Variants in IDH2 observed in about 807,000 individuals in gnomAD.
The protein encoded by IDH2 is isocitrate dehydrogenase (NADP(+)) 2.
A neutral mutation model predicts 50.5 loss-of-function variants in IDH2; 18 were observed. The ratio of observed to expected loss-of-function variants is 0.36; its 90% CI spans 0.25 to 0.53. The LOEUF is 0.53. Among genes scored for constraint, IDH2 ranks in the 20% least tolerant of loss-of-function variants. The pLI is 0.92. For synonymous variants in IDH2, 280 were observed against 239.8 expected (o/e 1.17, Z -1.55); for missense variants, 518 against 610.7 (o/e 0.85, Z 1.60).
chr15:90,091,459 G>C (rs540557518), intron 2 of IDH2, 94 bp downstream of exon 2: 25,282 of 913,020 alleles, frequency 0.028, 404 homozygotes, highest in South Asian at 0.035. Flanking sequence ...CAACGGGGGG[G>C]TCCTAGGGAC....
rs2151557989 is a variant in IDH2, at chr15:90,102,291, G to A, written c.100C>T (p.Gln34Ter). ...AALTAPTSQE[Q>*]PRRHYADKRI... ...CGGCACTCACAGTGGCGCCGCGGCT[G>A]CTCTTGCGAGGTGGGGGCTGTCAGG... Residue 34 changes from glutamine (Q) to a stop codon, truncating the protein, a stop_gained, in exon 1 of 11, where the codon CAG (glutamine) becomes TAG (stop). Coordinates refer to ENST00000330062, the MANE Select transcript of IDH2 (RefSeq NM_002168.4). LOFTEE classifies it high-confidence loss of function. The A allele has an allele frequency of 2.3e-6, 3 of 1,325,804 alleles. No individual in the cohort carries two copies. Among genetic ancestry groups the A allele is most frequent in the South Asian group, 1.8e-5 (1 of 55,680 alleles). 82.1% of individuals were successfully genotyped at this position (1,325,804 alleles called of 1,614,324 possible).
At chr15:90,087,971 G>A (rs1324677135) in intron 5 of IDH2, among the ~76,000 whole-genome samples, 2 of 152,136 alleles carry the variant, frequency 1.3e-5, no homozygotes, top group African/African-American at 4.8e-5. Context: ...GATTGGCTCA[G>A]AGGTGGTCAT....
At chr15:90,088,826 G>A (rs1276194118) in intron 3 of IDH2, 79 bp from the exon 4 acceptor site, 3 of 1,489,266 alleles carry the variant, frequency 2.0e-6, no homozygotes, top group East Asian at 2.3e-5. Flanking sequence ...CAACAACACA[G>A]CCAGACGGGG....
Position 90,092,417 on chromosome 15 carries a change from C to CTT in IDH2, c.116-774_116-773insAA, listed in dbSNP as rs112958621. Among the ~76,000 whole-genome samples, 8 of 149,878 alleles carry CTT rather than the reference C, an allele frequency of 5.3e-5. No individual in the cohort carries two copies. In the East Asian group the frequency reaches 1.2e-3, roughly 22 times the overall value. ...TTCGTTCCTTCCTCCCTTTCTCTCT[C>CTT]TCTTTCTTGGCAGGGTCCTGTTCCA... On this transcript the variant is annotated intron_variant, in intron 1 of 10. Transcript: ENST00000330062.
chr15:90,102,280 G>A lies in IDH2; in HGVS notation c.111C>T (p.Arg37=), dbSNP rs1291339135. The change falls in exon 1 of 11, where the codon CGC becomes CGT. Residue 37 remains arginine (R), a synonymous_variant. Transcript: ENST00000330062. ...TAPTSQEQPR[R]HYADKRIKVA... is the part of the protein sequence containing the mutation. Reference sequence around the variant, plus strand: ...GACCCTCCGCGCGGCACTCACAGTGGCGCCGCGGCTGCTCTTGCGAGGTGG... The same window carrying A: ...GACCCTCCGCGCGGCACTCACAGTGACGCCGCGGCTGCTCTTGCGAGGTGG... The A allele has an allele frequency of 3.9e-6, 5 of 1,284,920 alleles. No individual in the cohort carries two copies. In the African/African-American group the frequency reaches 6.2e-5, roughly 16 times the overall value. 79.6% of individuals were successfully genotyped at this position (1,284,920 alleles called of 1,614,324 possible).
intron 1 of IDH2, among the ~76,000 whole-genome samples, chr15:90,099,329 G>A (rs954808805): frequency 3.3e-5 from 5 of 152,070 alleles, no homozygotes; most frequent in Non-Finnish European, 2.9e-5. Context: ...TGGCACCTGC[G>A]AGTCCCTCTT....
At chr15:90,091,705 TC>T in intron 1 of IDH2, 61 bp from the exon 2 acceptor site, 2 of 1,374,286 alleles carry the variant, frequency 1.5e-6, no homozygotes, top group Non-Finnish European at 2.1e-6. Context: ...GGCCCTCTCC[TC>T]CCAGCCAGGC....
At chr15:90,088,218 C>T (rs1900923563) in intron 5 of IDH2, 141 bp downstream of exon 5, 2 of 1,104,458 alleles carry the variant, frequency 1.8e-6, no homozygotes, top group Admixed American at 1.7e-5. Flanking sequence ...AAGTGTCAGC[C>T]ACCATGCCCA....
rs1286567081 is a variant in IDH2, at chr15:90,090,561, G to A, written c.291C>T (p.Thr97=). Residue 97 remains threonine (T), a synonymous_variant, in exon 3 of 11, where the codon ACC becomes ACT. Coordinates refer to ENST00000330062, the MANE Select transcript of IDH2 (RefSeq NM_002168.4). ...PNRDQTDDQV[T]IDSALATQKY... is the part of the protein sequence containing the mutation. Reference sequence around the variant, plus strand: ...TCTGGGTGGCCAGTGCAGAGTCAATGGTGACCTGGTCATCAGTCTGGTCAC... The same window carrying A: ...TCTGGGTGGCCAGTGCAGAGTCAATAGTGACCTGGTCATCAGTCTGGTCAC... 1 of 1,614,128 alleles carries A rather than the reference G, an allele frequency of 6.2e-7. No individual in the cohort carries two copies. Among genetic ancestry groups the A allele is most frequent in the East Asian group, 2.2e-5 (1 of 44,884 alleles).
rs753466539 is a variant in IDH2, at chr15:90,087,484, G to C, written c.770C>G (p.Ala257Gly). The change falls in exon 6 of 11, where the codon GCC becomes GGC. Residue 257 changes from alanine (A) to glycine (G), a missense_variant. Ala to Gly is a moderately conservative substitution (Grantham distance 60). Coordinates refer to ENST00000330062, the MANE Select transcript of IDH2 (RefSeq NM_002168.4). ...YMSTKNTILK[A>G]YDGRFKDIFQ... ...GATGTCCTTGAAACGCCCATCGTAGGCTTTCAGTATGGTGTTCTTGGTGCT... is the reference window on the plus strand; with the variant it reads ...GATGTCCTTGAAACGCCCATCGTAGCCTTTCAGTATGGTGTTCTTGGTGCT... 1 of 1,614,158 alleles carries C rather than the reference G, an allele frequency of 6.2e-7. No individual in the cohort carries two copies. The highest frequency in any genetic ancestry group is 2.2e-5 in the East Asian group (1 of 44,886).
At position 90,100,900 on chromosome 15, in the gene IDH2, G is replaced by A. The variant is rs910587840; in HGVS notation, c.115+1376C>T. ...ATTCAGGACCCTTAAAAGGCGCTTTGTGTTCCTGTTTGTGTGTGTTTTTCG... is the reference window on the plus strand; with the variant it reads ...ATTCAGGACCCTTAAAAGGCGCTTTATGTTCCTGTTTGTGTGTGTTTTTCG... On this transcript the variant is annotated intron_variant, in intron 1 of 10. Coordinates refer to ENST00000330062, the MANE Select transcript of IDH2 (RefSeq NM_002168.4). This position sits in a 1 kb window ranked among gnomAD's most constrained non-coding sequence, Gnocchi z 4.1. Among the ~76,000 whole-genome samples, 1 of 150,122 alleles carries A rather than the reference G, an allele frequency of 6.7e-6. No individual in the cohort carries two copies. The highest frequency in any genetic ancestry group is 2.5e-5 in the African/African-American group (1 of 40,780).
chr15:90,091,736 A>G, intron 1 of IDH2, 92 bp from the exon 2 acceptor site: 2 of 1,027,040 alleles, frequency 1.9e-6, no homozygotes, highest in East Asian at 2.4e-5. Context: ...ACCAGGAGAC[A>G]GTGGCAGAAA....
At chr15:90,086,038 C>T (rs1047692762) in intron 7 of IDH2, among the ~76,000 whole-genome samples, 5 of 152,190 alleles carry the variant, frequency 3.3e-5, no homozygotes, top group African/African-American at 1.2e-4. Context: ...TTTACCTGCA[C>T]CTTCACACCA....
rs533842017 is a variant in IDH2, at chr15:90,091,249, C to T, written c.207+304G>A. Among the ~76,000 whole-genome samples the T allele has an allele frequency of 3.9e-5, 6 of 152,276 alleles. No homozygotes were observed. In the South Asian group the frequency reaches 8.3e-4, roughly 21 times the overall value. ...CTCCTTTTCAAGAAGTGAGGCAAAA[C>T]GTAGGGGATCAAGATGGAAATGATA... On this transcript the variant is annotated intron_variant, in intron 2 of 10. Transcript: ENST00000330062.
At chr15:90,091,728 C>T (rs1287402420) in intron 1 of IDH2, 84 bp from the exon 2 acceptor site, 2 of 1,126,994 alleles carry the variant, frequency 1.8e-6, no homozygotes, top group Admixed American at 3.4e-5. Context: ...CGCCCTTCAC[C>T]AGGAGACAGT....
At chr15:90,092,417 C>T (rs72758627) in intron 1 of IDH2, among the ~76,000 whole-genome samples, 6 of 149,758 alleles carry the variant, frequency 4.0e-5, no homozygotes, top group South Asian at 2.1e-4. Flanking sequence ...CTTTCTCTCT[C>T]TCTTTCTTGG....
chr15:90,093,187 GT>G (rs1304092570), intron 1 of IDH2, among the ~76,000 whole-genome samples: 1 of 149,576 alleles, frequency 6.7e-6, no homozygotes, highest in Non-Finnish European at 1.5e-5. Flanking sequence ...CCTCTTTTAT[GT>G]ATTTACTTAT....
intron 1 of IDH2, 22 bp from the exon 2 acceptor site, chr15:90,091,666 G>T: frequency 6.2e-7 from 1 of 1,601,512 alleles, no homozygotes; most frequent in Non-Finnish European, 8.6e-7. Context: ...GACACACAGC[G>T]CATCATGCCC....
chr15:90,102,129 C>CGCCTGGCACGGCGTG (rs895918231), intron 1 of IDH2, 147 bp downstream of exon 1: 5 of 327,152 alleles, frequency 1.5e-5, no homozygotes, highest in African/African-American at 1.1e-4. Flanking sequence ...GAGCGCGGAG[C>CGCCTGGCACGGCGTG]GAAGCTGCCC....
Sources: allele counts gnomAD v4.1 joint callset (sites outside exome capture counted in the v4.1 genomes callset), GRCh38; gene constraint gnomAD v4.1.1; non-coding constraint Gnocchi (gnomAD v3.1); transcripts MANE v1.5; gene names NCBI Gene and HGNC (gene_info 2026-07-23, HGNC 2026-07-21).